Variants in PALM2AKAP2 observed in about 807,000 individuals in gnomAD.
The protein encoded by PALM2AKAP2 is PALM2-AKAP2 fusion protein.
PALM2AKAP2 carries 37 observed loss-of-function variants against 71.5 expected under a neutral mutation model. That is an observed-to-expected ratio of 0.52 (90% CI 0.40 to 0.68). PALM2AKAP2 has a LOEUF of 0.68. Among genes scored for constraint, PALM2AKAP2 ranks in the 30% least tolerant of loss-of-function variants. The pLI, the probability that PALM2AKAP2 is intolerant of heterozygous loss-of-function variation, is 0.00. For missense variants in PALM2AKAP2, 1,224 were observed against 1,191.8 expected (o/e 1.03, Z -0.40); for synonymous variants, 468 against 478.8 (o/e 0.98, Z 0.29).
intron 6 of PALM2AKAP2, among the ~76,000 whole-genome samples, chr9:109,938,998 C>T (rs1366257858): frequency 6.6e-6 from 1 of 151,828 alleles, no homozygotes; most frequent in Non-Finnish European, 1.5e-5. Context: ...CGCTGCACTT[C>T]GGCCTGGGTG....
chr9:109,937,963 G>A (rs7047020), intron 6 of PALM2AKAP2, among the ~76,000 whole-genome samples: 62,081 of 152,076 alleles, frequency 0.41, 13,528 homozygotes, highest in Non-Finnish European at 0.49. Context: ...ACATGGAGAA[G>A]CTGGAGAGAA....
At chr9:109,950,883 C>T (rs927626854) in intron 6 of PALM2AKAP2, among the ~76,000 whole-genome samples, 6 of 152,176 alleles carry the variant, frequency 3.9e-5, no homozygotes, top group African/African-American at 9.7e-5. Flanking sequence ...CTCTCGGTTT[C>T]GAGATTAAGT....
At chr9:109,828,615 A>G (rs1333412064) in intron 1 of PALM2AKAP2, among the ~76,000 whole-genome samples, 1 of 152,222 alleles carries the variant, frequency 6.6e-6, no homozygotes, top group Non-Finnish European at 1.5e-5. Flanking sequence ...CAATAATTCT[A>G]TTGGGGTAGA....
rs182627288 is a variant in PALM2AKAP2, at chr9:109,993,249, T to G, written c.497-22705T>G. Among the ~76,000 whole-genome samples, 446 of 152,056 alleles carry G rather than the reference T, an allele frequency of 2.9e-3. 3 individuals are homozygous for G. Among genetic ancestry groups the G allele is most frequent in the African/African-American group, 0.011 (437 of 41,492 alleles). ...AAAGTCCAGGAGTTGTTGTTTTGGG[T>G]TGGACTCCATTTCCCAGCTTTGCCT... On this transcript the variant is annotated intron_variant, in intron 6 of 9. Transcript: ENST00000302798.
In PALM2AKAP2 at chr9:110,099,544, G is replaced by A. The variant is rs189111812; in HGVS notation, c.157-36583G>A. On this transcript the variant is annotated intron_variant, in intron 1 of 3. Transcript: ENST00000374525. ...TTTCCCTAAGATGAACTTGAAGCAC[G>A]TTTTCTTTCAGCAGCCCAGACAGCA... Among the ~76,000 whole-genome samples, 22 of 152,288 alleles carry A rather than the reference G, an allele frequency of 1.4e-4. No homozygotes were observed. In the East Asian group the frequency reaches 3.1e-3, roughly 21 times the overall value.
intron 1 of PALM2AKAP2, among the ~76,000 whole-genome samples, chr9:109,711,803 T>C (rs1673239651): frequency 6.6e-6 from 1 of 152,250 alleles, no homozygotes; most frequent in Admixed American, 6.5e-5. Flanking sequence ...TTCTGTTGGA[T>C]TAACAGGGCC....
At chr9:109,691,931 T>C (rs1272663857) in intron 1 of PALM2AKAP2, among the ~76,000 whole-genome samples, 7 of 134,006 alleles carry the variant, frequency 5.2e-5, no homozygotes, top group African/African-American at 1.7e-4. Flanking sequence ...TATACACATA[T>C]ATATATATAC....
chr9:109,649,299 T>C (rs1440828985), intron 1 of PALM2AKAP2, among the ~76,000 whole-genome samples: 1 of 152,198 alleles, frequency 6.6e-6, no homozygotes. Flanking sequence ...CTATTACCCA[T>C]TGCTCTCCAT....
chr9:109,871,550 A>T (rs753026285), intron 2 of PALM2AKAP2, among the ~76,000 whole-genome samples: 1 of 152,158 alleles, frequency 6.6e-6, no homozygotes, highest in African/African-American at 2.4e-5. Context: ...TATAAAGAAA[A>T]AACATATGTA....
At chr9:109,868,108 C>G (rs1358946163) in intron 2 of PALM2AKAP2, among the ~76,000 whole-genome samples, 1 of 152,078 alleles carries the variant, frequency 6.6e-6, no homozygotes, top group Non-Finnish European at 1.5e-5. Flanking sequence ...TGAAAGTGTT[C>G]TGTGAGAGCA....
rs567799939 is a variant in PALM2AKAP2 at position 109,955,106 on chromosome 9, T to G, written c.496+23078T>G. Among the ~76,000 whole-genome samples, 4 of 152,286 alleles carry G rather than the reference T, an allele frequency of 2.6e-5. No homozygotes were observed. The East Asian group carries it at 5.8e-4, about 22-fold the overall frequency. On this transcript the variant is annotated intron_variant, in intron 6 of 9. Coordinates refer to the PALM2AKAP2 transcript ENST00000302798. The stretch of plus-strand genomic sequence containing the variant: ...TATTGGCATTTGAGCATGTGACCCC[T>G]AATCTACCATCATTCACTCATTTTA...
intron 1 of PALM2AKAP2, among the ~76,000 whole-genome samples, chr9:109,721,077 C>G (rs563114698): frequency 2.0e-5 from 3 of 152,194 alleles, no homozygotes; most frequent in African/African-American, 7.2e-5. Flanking sequence ...ATCACACCAA[C>G]TCATAGCTTT....
chr9:109,915,011 C>G (rs79749775), intron 3 of PALM2AKAP2, among the ~76,000 whole-genome samples: 5,598 of 152,272 alleles, frequency 0.037, 194 homozygotes, highest in South Asian at 0.14. Flanking sequence ...TTTCTACCAC[C>G]TCCTACTGCT....
In PALM2AKAP2 at chr9:110,111,086, C is replaced by CTTTTTTTTTTTTTTTTTTTTTTTT; in HGVS notation, c.157-25018_157-25017insTTTTTTTTTTTTTTTTTTTTTTTT. 1.5e-3 allele frequency among the ~76,000 whole-genome samples: 125 copies of CTTTTTTTTTTTTTTTTTTTTTTTT among 84,190 alleles called. 1 individual carries two copies. Among genetic ancestry groups the CTTTTTTTTTTTTTTTTTTTTTTTT allele is most frequent in the Middle Eastern group, 0.013 (1 of 78 alleles). The allele number at this position is 84,190 out of a possible 152,430, so 55.2% of individuals were successfully genotyped here. ...TCCTTTTTTCTTTTCTTTCTTTCTT[C>CTTTTTTTTTTTTTTTTTTTTTTTT]TTTTTTTTTTTTTTTTTTTTTTTGA... On this transcript the variant is annotated intron_variant, in intron 1 of 3. Coordinates refer to ENST00000374525, the Ensembl canonical transcript of PALM2AKAP2.
At chr9:110,076,222 C>T (rs1194960045) in intron 1 of PALM2AKAP2, among the ~76,000 whole-genome samples, 1 of 151,748 alleles carries the variant, frequency 6.6e-6, no homozygotes, top group African/African-American at 2.4e-5. Context: ...TTTTTCCTTC[C>T]ATGTGAATTA....
chr9:109,717,641 T>G (rs1279541865), intron 1 of PALM2AKAP2, among the ~76,000 whole-genome samples: 4 of 152,176 alleles, frequency 2.6e-5, no homozygotes, highest in African/African-American at 9.6e-5. Context: ...TATGAAAAGG[T>G]GCGGATAGGC....
chr9:109,879,843 G>A (rs569053547), intron 2 of PALM2AKAP2, among the ~76,000 whole-genome samples: 14 of 152,026 alleles, frequency 9.2e-5, no homozygotes, highest in African/African-American at 3.1e-4. Flanking sequence ...GACTACAGGC[G>A]TGCACCACCA....
intron 1 of PALM2AKAP2, among the ~76,000 whole-genome samples, chr9:109,764,759 G>A (rs915552766): frequency 3.3e-4 from 50 of 152,166 alleles, no homozygotes; most frequent in African/African-American, 1.1e-3. Flanking sequence ...GATGGGATGG[G>A]ATGGATGGAT....
chr9:109,819,652 A>G (rs17804689), intron 1 of PALM2AKAP2, among the ~76,000 whole-genome samples: 40 of 151,838 alleles, frequency 2.6e-4, no homozygotes, highest in Non-Finnish European at 3.8e-4. Flanking sequence ...AGCTCTGCCA[A>G]GGGTTTGAAC....
Sources: gnomAD v4.1 joint callset for allele counts (sites outside exome capture counted in the v4.1 genomes callset) on GRCh38, gnomAD v4.1.1 for gene constraint, MANE v1.5 for transcripts, NCBI Gene and HGNC (gene_info 2026-07-23, HGNC 2026-07-21) for gene names.